The following EXD3 variants were observed in gnomAD, a reference collection of about 807,000 sequenced individuals.
The protein encoded by EXD3 is exonuclease mut-7 homolog.
Under a neutral mutation model 98.0 loss-of-function variants are expected in EXD3, and 92 were observed. The ratio of observed to expected loss-of-function variants is 0.94; its 90% CI spans 0.79 to 1.12. The LOEUF is 1.12. Ranked by LOEUF, EXD3 falls within the 50% of genes most tolerant of loss-of-function variation. The pLI is 0.00. For missense variants in EXD3, 1,222 were observed against 1,191.6 expected, an observed-to-expected ratio of 1.03 and a Z score of -0.38; for synonymous variants, 569 against 526.0, an observed-to-expected ratio of 1.08 and a Z score of -1.12.
rs756844198 is a variant in EXD3 at position 137,354,776 on chromosome 9, G to A, written c.758-3C>T. ...AATGGCCGCGTTGGGACACAGCGCT[G>A]AAAGGAAAGGCCAGCTCAGCACTGA... On this transcript the variant is annotated splice_polypyrimidine_tract_variant and splice_region_variant and intron_variant, in intron 8 of 21. Transcript: ENST00000340951. 6 of 1,608,632 alleles carry A rather than the reference G, an allele frequency of 3.7e-6. No individual in the cohort carries two copies. Among genetic ancestry groups the A allele is most frequent in the Non-Finnish European group, 4.2e-6 (5 of 1,179,192 alleles).
At position 137,407,391 on chromosome 9, in the gene EXD3, G is replaced by C. The variant is rs937792306; in HGVS notation, c.-47-11987C>G. 1.3e-5 allele frequency among the ~76,000 whole-genome samples: 2 copies of C among 152,252 alleles called. No individual in the cohort carries two copies. Among genetic ancestry groups the C allele is most frequent in the African/African-American group, 2.4e-5 (1 of 41,470 alleles). ...TCCCCCGCGAAGCCCACCCACCTGAGGTCCTGGCCCCCAAGGGGCCATCTG... is the reference window on the plus strand; with the variant it reads ...TCCCCCGCGAAGCCCACCCACCTGACGTCCTGGCCCCCAAGGGGCCATCTG... On this transcript the variant is annotated intron_variant, in intron 1 of 21. Coordinates refer to ENST00000340951, the MANE Select transcript of EXD3 (RefSeq NM_017820.5). This position sits in a 1 kb window ranked among gnomAD's most constrained non-coding sequence, Gnocchi z 4.4.
chr9:137,373,473 G>T lies in EXD3; in HGVS notation c.247C>A (p.Gln83Lys). 3 of 1,609,682 alleles carry T rather than the reference G, an allele frequency of 1.9e-6. No homozygotes were observed. Among genetic ancestry groups the T allele is most frequent in the Non-Finnish European group, 2.5e-6 (3 of 1,179,030 alleles). Residue 83 changes from glutamine (Q) to lysine (K), a missense_variant, in exon 4 of 22, where the codon CAG becomes AAG. Gln to Lys is a moderately conservative substitution (Grantham distance 53, BLOSUM62 1). Transcript: ENST00000340951. ...TGTGCCTGTAGCCAGCACTGCAGCT[G>T]GTGGGAGATCCAGGCCGCCAGGGAG... ...GPSLAAWISH[Q>K]LQCWLQAQPC...
intron 19 of EXD3, among the ~76,000 whole-genome samples, chr9:137,314,410 C>T (rs1433098158): frequency 1.3e-5 from 2 of 152,150 alleles, no homozygotes; most frequent in Non-Finnish European, 2.9e-5. Flanking sequence ...AAGGCCGAGC[C>T]CCTGGCCCCT....
chr9:137,392,588 CAG>C (rs1836979340), intron 2 of EXD3: 1 of 238,350 alleles, frequency 4.2e-6, no homozygotes, highest in East Asian at 1.0e-4. Flanking sequence ...GCCTTGTTGA[CAG>C]AGCTGGACAC....
intron 19 of EXD3, among the ~76,000 whole-genome samples, chr9:137,310,752 C>T (rs992865169): frequency 1.3e-5 from 2 of 152,206 alleles, no homozygotes; most frequent in Admixed American, 1.3e-4. Flanking sequence ...AGCCAGGTCC[C>T]AGGCAGGCAC....
rs918461521 is a variant in EXD3, at chr9:137,349,980, C to T, written c.1495-449G>A. Among the ~76,000 whole-genome samples, 3 of 139,348 alleles carry T rather than the reference C, an allele frequency of 2.2e-5. No homozygotes were observed. The highest frequency in any genetic ancestry group is 2.2e-4 in the East Asian group (1 of 4,560). 91.4% of individuals were successfully genotyped at this position (139,348 alleles called of 152,430 possible). ...CGCTCCACGTGTGTGTCTGGGGTGG[C>T]GTGTGTGCCCAGAGAGGGGTGGGGA... is the stretch of plus-strand genomic sequence containing the variant. On this transcript the variant is annotated intron_variant, in intron 14 of 21. Transcript: ENST00000340951. The surrounding 1 kb of genome is among the most constrained non-coding windows in gnomAD (Gnocchi z 7.4).
In EXD3 at chr9:137,405,030, G is replaced by C. The variant is rs1197115164; in HGVS notation, c.-47-9626C>G. On this transcript the variant is annotated intron_variant, in intron 1 of 21. Coordinates refer to ENST00000340951, the MANE Select transcript of EXD3 (RefSeq NM_017820.5). The surrounding 1 kb of genome is among the most constrained non-coding windows in gnomAD (Gnocchi z 4.1). ...CAGTGCTATCCCCCAGGCGAGCCGG[G>C]TGCTGGGAGGGGACACGTGCTGTCT... Among the ~76,000 whole-genome samples the C allele has an allele frequency of 6.6e-6, 1 of 152,134 alleles. No homozygotes were observed. The highest frequency in any genetic ancestry group is 1.5e-5 in the Non-Finnish European group (1 of 68,010).
At chr9:137,307,411 C>A in intron 21 of EXD3, 148 bp from the exon 22 acceptor site, 1 of 1,329,552 alleles carries the variant, frequency 7.5e-7, no homozygotes. Flanking sequence ...GCTGACTCTG[C>A]GTCCTCCACT....
chr9:137,395,778 G>A lies in EXD3; in HGVS notation c.-47-374C>T, dbSNP rs1257071994. Among the ~76,000 whole-genome samples the A allele has an allele frequency of 6.6e-6, 1 of 152,028 alleles. No homozygotes were observed. Among genetic ancestry groups the A allele is most frequent in the Non-Finnish European group, 1.5e-5 (1 of 67,952 alleles). On this transcript the variant is annotated intron_variant, in intron 1 of 21. Coordinates refer to ENST00000340951, the MANE Select transcript of EXD3 (RefSeq NM_017820.5). This position sits in a 1 kb window ranked among gnomAD's most constrained non-coding sequence, Gnocchi z 6.5. ...CTCAGGCTGTGTGTCCTGCCCTGAGGGAGCCACATGGGAGAGAGGTGCTCT... is the reference window on the plus strand; with the variant it reads ...CTCAGGCTGTGTGTCCTGCCCTGAGAGAGCCACATGGGAGAGAGGTGCTCT...
intron 1 of EXD3, among the ~76,000 whole-genome samples, chr9:137,411,764 G>T (rs1180726778): frequency 1.3e-5 from 2 of 150,930 alleles, no homozygotes. Context: ...AGGGAGTCGG[G>T]GAGGCGGAGG....
At chr9:137,384,527 C>A (rs1310195412) in intron 2 of EXD3, among the ~76,000 whole-genome samples, 1 of 152,198 alleles carries the variant, frequency 6.6e-6, no homozygotes, top group African/African-American at 2.4e-5. Flanking sequence ...CAGGGCAGCA[C>A]GTAAGGATGC....
intron 19 of EXD3, among the ~76,000 whole-genome samples, chr9:137,311,969 G>C (rs1040326728): frequency 3.9e-5 from 6 of 152,076 alleles, no homozygotes; most frequent in African/African-American, 1.4e-4. Context: ...CCCAGCACTC[G>C]GGGGCTGAGA....
At chr9:137,313,130 G>C (rs1016180873) in intron 19 of EXD3, among the ~76,000 whole-genome samples, 1 of 152,164 alleles carries the variant, frequency 6.6e-6, no homozygotes, top group Non-Finnish European at 1.5e-5. Flanking sequence ...CTTGGGTCTC[G>C]ACAAGTCGGA....
intron 19 of EXD3, among the ~76,000 whole-genome samples, chr9:137,317,216 G>A (rs370889568): frequency 6.6e-6 from 1 of 152,132 alleles, no homozygotes; most frequent in African/African-American, 2.4e-5. Flanking sequence ...GCCAGCCCAC[G>A]CGGGGCCTCT....
chr9:137,354,295 G>C, intron 10 of EXD3, 44 bp downstream of exon 10: 1 of 1,607,038 alleles, frequency 6.2e-7, no homozygotes, highest in Non-Finnish European at 8.5e-7. Context: ...TAGGACAGCC[G>C]CCCAGGCCGC....
intron 17 of EXD3, among the ~76,000 whole-genome samples, chr9:137,346,734 T>C (rs1833956967): frequency 6.6e-6 from 1 of 150,864 alleles, no homozygotes; most frequent in Non-Finnish European, 1.5e-5. Context: ...CCTCCACTCA[T>C]CCCCTGATTC....
chr9:137,369,747 C>CA (rs1835495029), intron 5 of EXD3, among the ~76,000 whole-genome samples: 1 of 152,214 alleles, frequency 6.6e-6, no homozygotes, highest in Admixed American at 6.5e-5. Flanking sequence ...TGGCCGTGCT[C>CA]CCCAGGTGGG....
chr9:137,356,412 A>G (rs1433775862), intron 7 of EXD3, 44 bp from the exon 8 acceptor site: 2 of 1,238,242 alleles, frequency 1.6e-6, no homozygotes, highest in South Asian at 2.6e-5. Context: ...GTTTTAAGTT[A>G]ATACATTTTA....
chr9:137,394,188 A>G (rs13285823), intron 2 of EXD3, among the ~76,000 whole-genome samples: 26,485 of 57,896 alleles, frequency 0.46, 6,702 homozygotes, highest in African/African-American at 0.5. Flanking sequence ...CCCTAACCCC[A>G]GCCTCCCAGC....
Sources: allele counts gnomAD v4.1 joint callset (sites outside exome capture counted in the v4.1 genomes callset), GRCh38; gene constraint gnomAD v4.1.1; non-coding constraint Gnocchi (gnomAD v3.1); transcripts MANE v1.5; gene names NCBI Gene and HGNC (gene_info 2026-07-23, HGNC 2026-07-21).